Variants in RUNDC3B observed in about 807,000 individuals in gnomAD.
The protein encoded by RUNDC3B is RUN domain containing 3B.
RUNDC3B carries 33 observed loss-of-function variants against 58.4 expected under a neutral mutation model. The ratio of observed to expected loss-of-function variants is 0.56; its 90% CI spans 0.43 to 0.75. The LOEUF (loss-of-function observed/expected upper bound fraction) is 0.75. Ranked by LOEUF, RUNDC3B falls within the 30% of genes least tolerant of loss-of-function variation. The pLI is 0.00. For synonymous variants in RUNDC3B, 193 were observed against 195.2 expected (o/e 0.99, Z 0.10); for missense variants, 501 against 535.7 (o/e 0.94, Z 0.64).
intron 2 of RUNDC3B, among the ~76,000 whole-genome samples, chr7:87,688,742 A>G (rs1337636289): frequency 6.6e-6 from 1 of 152,070 alleles, no homozygotes; most frequent in East Asian, 1.9e-4. Flanking sequence ...AATGTCTAAA[A>G]TTTTATAACA....
chr7:87,793,195 A>G (rs1835623106), intron 8 of RUNDC3B, among the ~76,000 whole-genome samples: 1 of 152,076 alleles, frequency 6.6e-6, no homozygotes, highest in Non-Finnish European at 1.5e-5. Context: ...TGAGATTTAA[A>G]CCATAATAAA....
intron 8 of RUNDC3B, among the ~76,000 whole-genome samples, chr7:87,793,971 C>G (rs1337269613): frequency 1.3e-5 from 2 of 152,074 alleles, no homozygotes; most frequent in African/African-American, 4.8e-5. Context: ...AACTGATAAA[C>G]AAATTCAGTA....
rs943858989 is a variant in RUNDC3B at position 87,830,833 on chromosome 7, T to G, written c.*803T>G. Reference sequence around the variant, plus strand: ...ATGTAGAACAAACGTTGAAAAATTGTTTTGCCAGGAAAGAGTTCAAGTTCA... The same window carrying G: ...ATGTAGAACAAACGTTGAAAAATTGGTTTGCCAGGAAAGAGTTCAAGTTCA... On this transcript the variant is annotated 3_prime_UTR_variant, in exon 11 of 11. Coordinates refer to ENST00000394654, the MANE Select transcript of RUNDC3B (RefSeq NM_001134405.2). The G allele has an allele frequency of 4.6e-5, 7 of 151,726 alleles. No individual in the cohort carries two copies. The highest frequency in any genetic ancestry group is 1.2e-4 in the African/African-American group (5 of 41,352). The allele number at this position is 151,726 out of a possible 1,614,324, so 9.4% of individuals were successfully genotyped here. A position where few individuals can be genotyped will look rare whatever the true frequency, so the allele number is the denominator to read the frequency against.
intron 8 of RUNDC3B, among the ~76,000 whole-genome samples, chr7:87,780,331 GA>G (rs1834858041): frequency 6.6e-6 from 1 of 151,828 alleles, no homozygotes; most frequent in Non-Finnish European, 1.5e-5. Context: ...ACTGGTGTCA[GA>G]ATGGTTTTGA....
At chr7:87,778,057 G>C (rs1323219636) in intron 8 of RUNDC3B, 102 bp downstream of exon 8, 1 of 947,596 alleles carries the variant, frequency 1.1e-6, no homozygotes, top group Non-Finnish European at 1.6e-6. Flanking sequence ...CTTATTGCCT[G>C]TTAAATTCTT....
intron 6 of RUNDC3B, among the ~76,000 whole-genome samples, chr7:87,759,844 T>C (rs1833578969): frequency 6.6e-6 from 1 of 151,678 alleles, no homozygotes; most frequent in African/African-American, 2.4e-5. Context: ...TACCCTTGTG[T>C]GATTATTACA....
chr7:87,638,075 T>A (rs560927773), intron 1 of RUNDC3B, among the ~76,000 whole-genome samples: 19 of 152,264 alleles, frequency 1.2e-4, no homozygotes, highest in African/African-American at 4.6e-4. Flanking sequence ...TTTTTGTCTT[T>A]CAAGTAAACG....
At chr7:87,780,679 T>C (rs1296825719) in intron 8 of RUNDC3B, among the ~76,000 whole-genome samples, 1 of 151,518 alleles carries the variant, frequency 6.6e-6, no homozygotes, top group African/African-American at 2.4e-5. Flanking sequence ...CTTTTCCATA[T>C]GTGACATTAT....
At chr7:87,812,025 G>A (rs1836746801) in intron 9 of RUNDC3B, among the ~76,000 whole-genome samples, 1 of 152,114 alleles carries the variant, frequency 6.6e-6, no homozygotes. Context: ...CACACTGTCT[G>A]TTGCCCAATG....
chr7:87,743,534 A>G (rs955817109), intron 6 of RUNDC3B, among the ~76,000 whole-genome samples: 6 of 151,946 alleles, frequency 3.9e-5, no homozygotes, highest in Admixed American at 2.6e-4. Context: ...GTGGTATCAC[A>G]TTGTTATTTG....
At chr7:87,778,060 A>G in intron 8 of RUNDC3B, 105 bp downstream of exon 8, 1 of 926,608 alleles carries the variant, frequency 1.1e-6, no homozygotes, top group South Asian at 1.8e-5. Context: ...ATTGCCTGTT[A>G]AATTCTTTTT....
chr7:87,715,594 T>G (rs1323192751), intron 4 of RUNDC3B, among the ~76,000 whole-genome samples: 1 of 147,426 alleles, frequency 6.8e-6, no homozygotes, highest in Non-Finnish European at 1.5e-5. Flanking sequence ...ATAGCTATTT[T>G]AATAATTTCT....
intron 8 of RUNDC3B, among the ~76,000 whole-genome samples, chr7:87,799,753 G>A (rs925189935): frequency 6.6e-5 from 10 of 152,044 alleles, no homozygotes; most frequent in Non-Finnish European, 1.5e-4. Context: ...TGGGCATGGT[G>A]GCGTGTGCCT....
chr7:87,817,478 C>G (rs944462265), intron 10 of RUNDC3B, among the ~76,000 whole-genome samples: 9 of 152,186 alleles, frequency 5.9e-5, no homozygotes, highest in Non-Finnish European at 1.3e-4. Context: ...GCATCTGCCT[C>G]ATTTCATACC....
At chr7:87,677,522 G>A (rs1251228032) in intron 2 of RUNDC3B, among the ~76,000 whole-genome samples, 2 of 152,066 alleles carry the variant, frequency 1.3e-5, no homozygotes, top group African/African-American at 4.8e-5. Flanking sequence ...GAGGCTGGGG[G>A]ATAGGAGAAA....
chr7:87,642,160 C>T (rs1243998295), intron 1 of RUNDC3B, among the ~76,000 whole-genome samples: 1 of 151,404 alleles, frequency 6.6e-6, no homozygotes, highest in African/African-American at 2.4e-5. Context: ...GAATTCAAAC[C>T]CAAATATATC....
At chr7:87,639,206 GT>G (rs1404748686) in intron 1 of RUNDC3B, among the ~76,000 whole-genome samples, 1 of 151,608 alleles carries the variant, frequency 6.6e-6, no homozygotes, top group African/African-American at 2.4e-5. Context: ...ACAGTTGAAG[GT>G]TTTTTAGTAA....
intron 2 of RUNDC3B, among the ~76,000 whole-genome samples, chr7:87,684,746 CAAAAAAAAAAA>C (rs71524694): frequency 5.6e-4 from 21 of 37,786 alleles, no homozygotes; most frequent in African/African-American, 2.8e-3. Flanking sequence ...GACTCCGTCT[CAAAAAAAAAAA>C]AAAAAAAAAA....
intron 4 of RUNDC3B, among the ~76,000 whole-genome samples, chr7:87,714,941 A>G (rs1432721070): frequency 2.6e-5 from 4 of 152,172 alleles, no homozygotes; most frequent in South Asian, 2.1e-4. Flanking sequence ...CTGTTGGCTC[A>G]TTCTGGCAGT....
Sources: allele counts gnomAD v4.1 joint callset (sites outside exome capture counted in the v4.1 genomes callset), GRCh38; gene constraint gnomAD v4.1.1; transcripts MANE v1.5; gene names NCBI Gene and HGNC (gene_info 2026-07-23, HGNC 2026-07-21).